HTT: variants seen among roughly 807,000 people sequenced by gnomAD.
The protein encoded by HTT is huntingtin.
In HTT, 104 loss-of-function variants were observed where a neutral mutation model predicts 362.3. The ratio of observed to expected loss-of-function variants is 0.29; its 90% CI spans 0.24 to 0.34. HTT has a LOEUF of 0.34. HTT is among the 10% of genes least tolerant of loss of function. HTT has a pLI of 1.00. For synonymous variants in HTT, 1,577 were observed against 1,548.7 expected (o/e 1.02, Z -0.43); for missense variants, 3,301 against 3,928.6 (o/e 0.84, Z 4.27).
At chr4:3,082,694 G>A (rs1712979217) in intron 1 of HTT, among the ~76,000 whole-genome samples, 1 of 152,140 alleles carries the variant, frequency 6.6e-6, no homozygotes, top group Non-Finnish European at 1.5e-5. Flanking sequence ...CTTTGTTGTT[G>A]CTAATAACAA....
intron 6 of HTT, among the ~76,000 whole-genome samples, chr4:3,111,685 C>G (rs1040164239): frequency 6.6e-5 from 10 of 152,258 alleles, no homozygotes; most frequent in Non-Finnish European, 1.0e-4. Flanking sequence ...GTGCATCTCA[C>G]GTCTGTCCTC....
In HTT at chr4:3,223,501, A is replaced by C; in HGVS notation, c.7566A>C (p.Pro2522=). The change falls in exon 55 of 67, where the codon CCA becomes CCC. Residue 2522 remains proline (P), a synonymous_variant. Transcript: ENST00000355072. ...SAMTVPVAGN[P]AVSCLEQQPR... ...TGACTGTGCCTGTGGCCGGCAACCC[A>C]GCTGTAAGCTGCTTGGAGCAGCAGC... The C allele has an allele frequency of 6.2e-6, 10 of 1,614,010 alleles. No homozygotes were observed. Among genetic ancestry groups the C allele is most frequent in the Non-Finnish European group, 7.6e-6 (9 of 1,179,956 alleles).
intron 36 of HTT, among the ~76,000 whole-genome samples, chr4:3,181,018 A>G (rs1051125844): frequency 6.6e-6 from 1 of 151,646 alleles, no homozygotes; most frequent in East Asian, 1.9e-4. Flanking sequence ...CTGGGATTAC[A>G]GGCATGCACC....
intron 61 of HTT, 150 bp from the exon 62 acceptor site, chr4:3,235,134 C>T: frequency 1.6e-6 from 1 of 610,840 alleles, no homozygotes; most frequent in Non-Finnish European, 2.9e-6. Flanking sequence ...GGCCAGGTTG[C>T]AGGGGCCTGG....
intron 1 of HTT, among the ~76,000 whole-genome samples, chr4:3,085,935 G>A (rs763492005): frequency 1.3e-5 from 2 of 152,190 alleles, no homozygotes; most frequent in Non-Finnish European, 2.9e-5. Context: ...TGGCTGAGAA[G>A]TCTTAATAGG....
intron 29 of HTT, among the ~76,000 whole-genome samples, chr4:3,164,693 T>C (rs1717613902): frequency 1.3e-5 from 2 of 152,194 alleles, no homozygotes; most frequent in Admixed American, 6.5e-5. Flanking sequence ...TTTGTCTCCT[T>C]TGAACTTTGT....
intron 19 of HTT, among the ~76,000 whole-genome samples, chr4:3,135,295 G>T (rs1352750866): frequency 1.3e-5 from 2 of 151,130 alleles, no homozygotes; most frequent in African/African-American, 2.4e-5. Context: ...TTGCACTTCA[G>T]CCTGGCAACA....
chr4:3,140,062 A>G (rs563032929), intron 21 of HTT, among the ~76,000 whole-genome samples: 5 of 152,264 alleles, frequency 3.3e-5, no homozygotes, highest in African/African-American at 1.2e-4. Context: ...AGAGTTCAAG[A>G]ACAGCCTGGC....
At chr4:3,135,033 A>T (rs1269627250) in intron 19 of HTT, among the ~76,000 whole-genome samples, 3 of 152,172 alleles carry the variant, frequency 2.0e-5, no homozygotes, top group Non-Finnish European at 4.4e-5. Context: ...AGAATTTTAA[A>T]ATATAAGTAG....
chr4:3,142,240 G>A (rs754636116), intron 22 of HTT, among the ~76,000 whole-genome samples: 3 of 152,142 alleles, frequency 2.0e-5, no homozygotes, highest in Non-Finnish European at 4.4e-5. Flanking sequence ...GAGTGTCTCC[G>A]TGGACAAGAC....
intron 25 of HTT, among the ~76,000 whole-genome samples, chr4:3,147,740 A>G (rs146273410): frequency 1.3e-5 from 2 of 152,310 alleles, no homozygotes; most frequent in African/African-American, 2.4e-5. Flanking sequence ...TGGTTCACCA[A>G]CTGAACTTCG....
chr4:3,122,968 GAATCTT>G, intron 10 of HTT, 32 bp downstream of exon 10: 1 of 1,546,362 alleles, frequency 6.5e-7, no homozygotes, highest in South Asian at 1.1e-5. Flanking sequence ...GTCTTGTGTT[GAATCTT>G]ACTGATTTTC....
chr4:3,239,071 A>G (rs1452563564), intron 66 of HTT, 93 bp downstream of exon 66: 25 of 1,326,386 alleles, frequency 1.9e-5, no homozygotes, highest in Non-Finnish European at 2.4e-5. Context: ...TAACCTTTGC[A>G]AAAACCCCAC....
Position 3,220,284 on chromosome 4 carries a change from T to A in HTT, c.7345T>A (p.Phe2449Ile). The change falls in exon 53 of 67, where the codon TTC becomes ATC. Residue 2449 changes from phenylalanine to isoleucine, a missense_variant. Around this residue, in one of 4 missense-constraint regions of HTT, gnomAD observed 753 missense variants for 1,021.3 expected, o/e 0.74. Transcript: ENST00000355072. Reference protein sequence around the residue: ...FLQEKEVFKEFIYRINTLGWT... With the variant: ...FLQEKEVFKEIIYRINTLGWT... ...CCAGGAAAAGGAAGTCTTTAAGGAG[T>A]TCATCTACCGCATCAACACACTAGG... 1 of 1,613,958 alleles carries A rather than the reference T, an allele frequency of 6.2e-7. No homozygotes were observed. The highest frequency in any genetic ancestry group is 8.5e-7 in the Non-Finnish European group (1 of 1,179,914).
In HTT at chr4:3,177,364, A is replaced by C; in HGVS notation, c.4440A>C (p.Glu1480Asp). ...TTGGCTTTGTATTGAAACAGTTTGAATACATTGAAGTGGGCCAGTTCAGGT... is the reference window on the plus strand; with the variant it reads ...TTGGCTTTGTATTGAAACAGTTTGACTACATTGAAGTGGGCCAGTTCAGGT... ...VFIGFVLKQF[E>D]YIEVGQFRES... The change falls in exon 34 of 67, where the codon GAA (glutamate) becomes GAC (aspartate). Residue 1480 changes from glutamate to aspartate, a missense_variant. This residue lies in a region of HTT where 2,316 missense variants were observed against 2,658.5 expected (regional missense o/e 0.87). Transcript: ENST00000355072. The C allele has an allele frequency of 6.2e-7, 1 of 1,601,246 alleles. No homozygotes were observed. Among genetic ancestry groups the C allele is most frequent in the South Asian group, 1.1e-5 (1 of 87,274 alleles).
At chr4:3,138,487 G>A (rs550195515) in intron 21 of HTT, among the ~76,000 whole-genome samples, 21 of 152,256 alleles carry the variant, frequency 1.4e-4, no homozygotes, top group African/African-American at 5.1e-4. Flanking sequence ...ACATATAGCA[G>A]AAACATGCCA....
At chr4:3,223,201 T>C (rs569821728) in intron 54 of HTT, among the ~76,000 whole-genome samples, 11 of 152,332 alleles carry the variant, frequency 7.2e-5, no homozygotes, top group African/African-American at 2.4e-4. Flanking sequence ...ATTTGAAAAA[T>C]GGGCTTTTGC....
rs777249004 is a variant in HTT, at chr4:3,212,107, C to A, written c.6593C>A (p.Pro2198Gln). 1 of 1,613,718 alleles carries A rather than the reference C, an allele frequency of 6.2e-7. No homozygotes were observed. The highest frequency in any genetic ancestry group is 1.1e-5 in the South Asian group (1 of 91,072). ...TTCCAGCCCGAGCTGCCTGCAGAGCCGGCGGCCTACTGGAGCAAGTTGAAT... is the reference window on the plus strand; with the variant it reads ...TTCCAGCCCGAGCTGCCTGCAGAGCAGGCGGCCTACTGGAGCAAGTTGAAT... ...HVFQPELPAE[P>Q]AAYWSKLNDL... The change falls in exon 48 of 67, where the codon CCG becomes CAG. Residue 2198 changes from proline (P) to glutamine (Q), a missense_variant. By Grantham distance (76) the Pro-to-Gln change is moderately conservative. Around this residue, in one of 4 missense-constraint regions of HTT, gnomAD observed 220 missense variants for 218.5 expected, o/e 1.01. Coordinates refer to ENST00000355072, the MANE Select transcript of HTT (RefSeq NM_001388492.1).
intron 8 of HTT, among the ~76,000 whole-genome samples, chr4:3,116,679 G>GT (rs1715043927): frequency 6.6e-6 from 1 of 152,196 alleles, no homozygotes; most frequent in Non-Finnish European, 1.5e-5. Flanking sequence ...ACTGGTCTAG[G>GT]CACGGTGGTA....
Sources: allele counts gnomAD v4.1 joint callset (sites outside exome capture counted in the v4.1 genomes callset), GRCh38; gene constraint gnomAD v4.1.1; regional missense constraint gnomAD v4.1.1; transcripts MANE v1.5; gene names NCBI Gene and HGNC (gene_info 2026-07-23, HGNC 2026-07-21).